FBXW4: variants seen among roughly 807,000 people sequenced by gnomAD.
FBXW4 encodes the protein F-box and WD repeat domain containing 4.
A neutral mutation model predicts 61.8 loss-of-function variants in FBXW4; 40 were observed. The observed-to-expected ratio is 0.65, with a 90% CI of 0.50 to 0.84. The LOEUF (loss-of-function observed/expected upper bound fraction) is 0.84. Ranked by LOEUF, FBXW4 falls within the 40% of genes least tolerant of loss-of-function variation. FBXW4 has a pLI of 0.00. For missense variants in FBXW4, 672 were observed against 753.8 expected (o/e 0.89, Z 1.27); for synonymous variants, 311 against 313.8 (o/e 0.99, Z 0.10).
chr10:101,612,811 TCACATG>T (rs909200000), intron 6 of FBXW4, among the ~76,000 whole-genome samples: 2 of 151,776 alleles, frequency 1.3e-5, no homozygotes, highest in Admixed American at 6.6e-5. Context: ...CCCCTCACAT[TCACATG>T]CACATGCACA....
intron 5 of FBXW4, among the ~76,000 whole-genome samples, chr10:101,649,363 C>T (rs906985169): frequency 2.6e-5 from 4 of 152,178 alleles, no homozygotes; most frequent in Non-Finnish European, 4.4e-5. Flanking sequence ...CTCTGACATG[C>T]CCCACCCACC....
intron 6 of FBXW4, 70 bp from the exon 7 acceptor site, chr10:101,612,547 G>T (rs2063796846): frequency 7.2e-7 from 1 of 1,383,258 alleles, no homozygotes; most frequent in Non-Finnish European, 9.5e-7. Context: ...CCTTCAGAAG[G>T]CATCAGACCT....
chr10:101,640,880 G>C (rs1306757975), intron 5 of FBXW4, among the ~76,000 whole-genome samples: 1 of 150,974 alleles, frequency 6.6e-6, no homozygotes, highest in East Asian at 2.0e-4. Context: ...GCTCAGGCTG[G>C]AGTACAATGG....
chr10:101,682,897 A>T (rs919754789), intron 1 of FBXW4, among the ~76,000 whole-genome samples: 8 of 152,110 alleles, frequency 5.3e-5, no homozygotes, highest in African/African-American at 1.9e-4. Context: ...TGTTAAAAAC[A>T]ATTTAACAAC....
chr10:101,660,787 G>A (rs1236571393), intron 5 of FBXW4, among the ~76,000 whole-genome samples: 1 of 152,164 alleles, frequency 6.6e-6, no homozygotes, highest in Non-Finnish European at 1.5e-5. Flanking sequence ...GTAGGCAGTG[G>A]GAGGAAGAGA....
chr10:101,620,577 G>A lies in FBXW4; in HGVS notation c.1301+4168C>T, dbSNP rs547310822. Reference sequence around the variant, plus strand: ...GCAGAGCCCACAGGCTGGCCAGAGCGGGCAGGGCTGTTTCTTCTCAGGCTC... The same window carrying A: ...GCAGAGCCCACAGGCTGGCCAGAGCAGGCAGGGCTGTTTCTTCTCAGGCTC... On this transcript the variant is annotated intron_variant, in intron 6 of 8. Coordinates refer to ENST00000331272, the MANE Select transcript of FBXW4 (RefSeq NM_022039.4). 8.5e-5 allele frequency among the ~76,000 whole-genome samples: 13 copies of A among 152,354 alleles called. No individual in the cohort carries two copies. The East Asian group carries it at 1.2e-3, about 14-fold the overall frequency.
At chr10:101,671,845 CT>C (rs1216850791) in intron 4 of FBXW4, among the ~76,000 whole-genome samples, 1 of 152,174 alleles carries the variant, frequency 6.6e-6, no homozygotes, top group Admixed American at 6.5e-5. Flanking sequence ...AAAAGATATG[CT>C]GGATTTTTCT....
At chr10:101,689,775 C>T (rs913720967) in intron 1 of FBXW4, among the ~76,000 whole-genome samples, 1 of 152,212 alleles carries the variant, frequency 6.6e-6, no homozygotes, top group Non-Finnish European at 1.5e-5. Flanking sequence ...AATAAACACA[C>T]TCTGCTTATC....
intron 5 of FBXW4, among the ~76,000 whole-genome samples, chr10:101,629,977 C>G (rs1477577292): frequency 6.6e-6 from 1 of 152,192 alleles, no homozygotes; most frequent in Non-Finnish European, 1.5e-5. Flanking sequence ...CCAGCTGGCC[C>G]AGGCCCCAGC....
chr10:101,657,060 C>G (rs942250953), intron 5 of FBXW4, among the ~76,000 whole-genome samples: 3 of 152,184 alleles, frequency 2.0e-5, no homozygotes, highest in African/African-American at 7.2e-5. Flanking sequence ...TCTGCATGCA[C>G]ATAGTCACTT....
chr10:101,685,302 T>G (rs1382295986), intron 1 of FBXW4, among the ~76,000 whole-genome samples: 1 of 152,254 alleles, frequency 6.6e-6, no homozygotes, highest in Non-Finnish European at 1.5e-5. Context: ...AATTTAGTCA[T>G]AAATTCCACA....
At chr10:101,615,266 G>A (rs546224947) in intron 6 of FBXW4, among the ~76,000 whole-genome samples, 4 of 152,038 alleles carry the variant, frequency 2.6e-5, no homozygotes, top group South Asian at 4.2e-4. Context: ...AGGCCAAGAC[G>A]GGAGCAAGGG....
In FBXW4 at chr10:101,695,137, C is replaced by T. The variant is rs1162655411; in HGVS notation, c.-32G>A. 2 of 984,990 alleles carry T rather than the reference C, an allele frequency of 2.0e-6. No homozygotes were observed. The highest frequency in any genetic ancestry group is 6.2e-5 in the Admixed American group (1 of 16,208). 61.0% of individuals were successfully genotyped at this position (984,990 alleles called of 1,614,324 possible). ...CCGCGGGGCCGGCCCGACGCGGAGC[C>T]CAGCCCGAGCCGCCACCGCCGCCGC... On this transcript the variant is annotated 5_prime_UTR_variant, in exon 1 of 9. Coordinates refer to ENST00000331272, the MANE Select transcript of FBXW4 (RefSeq NM_022039.4). This position sits in a 1 kb window ranked among gnomAD's most constrained non-coding sequence, Gnocchi z 4.2.
intron 6 of FBXW4, among the ~76,000 whole-genome samples, chr10:101,621,657 G>A (rs539050875): frequency 9.9e-5 from 15 of 152,138 alleles, no homozygotes; most frequent in South Asian, 4.1e-4. Context: ...ACTCTTTCAC[G>A]ATAATTTTGT....
rs751837994 is a variant in FBXW4 at position 101,673,639 on chromosome 10, G to C, written c.856C>G (p.Leu286Val). Residue 286 changes from leucine to valine, a missense_variant, in exon 3 of 9, where the codon CTG becomes GTG. Physicochemically the swap from Leu to Val is conservative, Grantham distance 32. Around this residue, in one of 5 missense-constraint regions of FBXW4, gnomAD observed 312 missense variants for 370.1 expected, o/e 0.84. Coordinates refer to ENST00000331272, the MANE Select transcript of FBXW4 (RefSeq NM_022039.4). Reference protein sequence around the residue: ...MPWMQLEDDSLYISQANFILA... With the variant: ...MPWMQLEDDSVYISQANFILA... ...ATGAAATTAGCCTGGGATATGTACAGAGAATCATCCTCTAGCTGCATCCAG... is the reference window on the plus strand; with the variant it reads ...ATGAAATTAGCCTGGGATATGTACACAGAATCATCCTCTAGCTGCATCCAG... 1 of 1,614,136 alleles carries C rather than the reference G, an allele frequency of 6.2e-7. No homozygotes were observed. The highest frequency in any genetic ancestry group is 2.2e-5 in the East Asian group (1 of 44,884).
chr10:101,682,681 G>A (rs1254179093), intron 1 of FBXW4, among the ~76,000 whole-genome samples: 1 of 152,038 alleles, frequency 6.6e-6, no homozygotes, highest in East Asian at 1.9e-4. Flanking sequence ...CACTTTACTA[G>A]GGGTCAAAAT....
chr10:101,684,922 C>A (rs1221766536), intron 1 of FBXW4, among the ~76,000 whole-genome samples: 4 of 152,196 alleles, frequency 2.6e-5, no homozygotes, highest in South Asian at 4.1e-4. Flanking sequence ...GAGGACAAGA[C>A]CATGCACAAA....
At chr10:101,651,605 C>T (rs1051493222) in intron 5 of FBXW4, among the ~76,000 whole-genome samples, 4 of 152,080 alleles carry the variant, frequency 2.6e-5, no homozygotes, top group Non-Finnish European at 5.9e-5. Context: ...TTCTCTGCCC[C>T]CCTCCTTCCC....
chr10:101,664,452 C>T (rs2064277275), intron 5 of FBXW4, among the ~76,000 whole-genome samples: 1 of 152,180 alleles, frequency 6.6e-6, no homozygotes, highest in Admixed American at 6.5e-5. Context: ...CACTGGCTGC[C>T]ACATCCCCTC....
Sources: allele counts gnomAD v4.1 joint callset (sites outside exome capture counted in the v4.1 genomes callset), GRCh38; gene constraint gnomAD v4.1.1; regional missense constraint gnomAD v4.1.1; non-coding constraint Gnocchi (gnomAD v3.1); transcripts MANE v1.5; gene names NCBI Gene and HGNC (gene_info 2026-07-23, HGNC 2026-07-21).